The following SDK1 variants were observed in gnomAD, a reference collection of about 807,000 sequenced individuals.
SDK1 encodes the protein sidekick cell adhesion molecule 1, also known as protein sidekick-1.
SDK1 carries 157 observed loss-of-function variants against 245.5 expected under a neutral mutation model. That is an observed-to-expected ratio of 0.64 (90% CI 0.56 to 0.73). The LOEUF (loss-of-function observed/expected upper bound fraction) is 0.73, where lower values mean the gene tolerates loss of function less well. Among genes scored for constraint, SDK1 ranks in the 30% least tolerant of loss-of-function variants. SDK1 has a pLI of 0.00. For synonymous variants in SDK1, 1,647 were observed against 1,278.5 expected (o/e 1.29, Z -6.15); for missense variants, 3,583 against 3,002.3 (o/e 1.19, Z -4.52).
intron 5 of SDK1, among the ~76,000 whole-genome samples, chr7:3,894,899 G>T (rs921269301): frequency 6.6e-6 from 1 of 151,790 alleles, no homozygotes; most frequent in East Asian, 1.9e-4. Flanking sequence ...CACCATGTCG[G>T]CCAACTCCTG....
chr7:3,454,388 T>TTGTGTGTGTG (rs60437983), intron 1 of SDK1, among the ~76,000 whole-genome samples: 5,346 of 141,706 alleles, frequency 0.038, 116 homozygotes, highest in Middle Eastern at 0.069. Context: ...TCCCCAAGAT[T>TTGTGTGTGTG]TGTGTGTGTG....
At chr7:3,581,461 TAGTC>T (rs758393685) in intron 1 of SDK1, among the ~76,000 whole-genome samples, 4 of 152,290 alleles carry the variant, frequency 2.6e-5, no homozygotes, top group South Asian at 2.1e-4. Flanking sequence ...CATCTCACAT[TAGTC>T]AGAATGGTTA....
chr7:3,770,624 T>A (rs962625520), intron 4 of SDK1, among the ~76,000 whole-genome samples: 25 of 152,234 alleles, frequency 1.6e-4, no homozygotes, highest in African/African-American at 6.0e-4. Flanking sequence ...GTGGAGAGAT[T>A]CCCCCTTGCT....
intron 22 of SDK1, among the ~76,000 whole-genome samples, chr7:4,110,348 C>G (rs554851965): frequency 1.3e-5 from 2 of 152,294 alleles, no homozygotes; most frequent in Admixed American, 1.3e-4. Context: ...TGGAAGGTCC[C>G]CTCCATCACT....
chr7:4,004,570 G>T (rs1302963187), intron 14 of SDK1, among the ~76,000 whole-genome samples: 1 of 152,070 alleles, frequency 6.6e-6, no homozygotes, highest in Non-Finnish European at 1.5e-5. Flanking sequence ...CACTTTCTAA[G>T]AACTTTTTAT....
intron 5 of SDK1, among the ~76,000 whole-genome samples, chr7:3,903,147 TTG>T (rs1221958440): frequency 2.1e-4 from 27 of 128,464 alleles, no homozygotes; most frequent in African/African-American, 8.5e-4. Flanking sequence ...GTTTTTTGTT[TTG>T]TTTTTTTTTT....
intron 1 of SDK1, chr7:3,475,943 A>G (rs1562509350): frequency 6.6e-6 from 1 of 152,628 alleles, no homozygotes; most frequent in Admixed American, 6.5e-5. Flanking sequence ...TTCTGTTAGC[A>G]TTTAGTAGCT....
intron 1 of SDK1, among the ~76,000 whole-genome samples, chr7:3,472,836 C>G (rs1487788782): frequency 6.6e-6 from 1 of 152,168 alleles, no homozygotes; most frequent in Admixed American, 6.5e-5. Flanking sequence ...AGTTTTAGGT[C>G]TGGCTTACAG....
At chr7:3,723,318 C>A (rs995385496) in intron 4 of SDK1, among the ~76,000 whole-genome samples, 1 of 152,128 alleles carries the variant, frequency 6.6e-6, no homozygotes, top group African/African-American at 2.4e-5. Context: ...GCAGCACTTT[C>A]CTGAAAGAAG....
chr7:3,672,796 A>ATATATATATACAT (rs1554307151), intron 4 of SDK1, among the ~76,000 whole-genome samples: 26 of 53,414 alleles, frequency 4.9e-4, no homozygotes, highest in Non-Finnish European at 7.2e-4. Flanking sequence ...TATATATATA[A>ATATATATATACAT]AAAATACAGA....
At chr7:4,217,823 A>G (rs2128230756) in intron 38 of SDK1, among the ~76,000 whole-genome samples, 1 of 152,306 alleles carries the variant, frequency 6.6e-6, no homozygotes, top group East Asian at 1.9e-4. Flanking sequence ...CACACCTGAA[A>G]TGGGGAGAAG....
intron 44 of SDK1, among the ~76,000 whole-genome samples, chr7:4,250,420 T>C (rs1021809547): frequency 6.6e-6 from 1 of 152,144 alleles, no homozygotes; most frequent in African/African-American, 2.4e-5. Context: ...CTCAGCTCCC[T>C]CTAACCTCCG....
At chr7:4,048,523 G>T (rs376842815) in intron 17 of SDK1, among the ~76,000 whole-genome samples, 1 of 141,736 alleles carries the variant, frequency 7.1e-6, no homozygotes, top group Admixed American at 7.4e-5. Flanking sequence ...ACCCATCCTC[G>T]CCAGGCTCCT....
At chr7:3,494,535 ATGT>A (rs1194587756) in intron 1 of SDK1, among the ~76,000 whole-genome samples, 7 of 152,188 alleles carry the variant, frequency 4.6e-5, no homozygotes, top group South Asian at 2.1e-4. Context: ...GTGCACAGTG[ATGT>A]TATGTATGAA....
At chr7:4,225,297 C>T (rs1678362200) in intron 40 of SDK1, among the ~76,000 whole-genome samples, 1 of 152,178 alleles carries the variant, frequency 6.6e-6, no homozygotes. Flanking sequence ...CTTCAACTAC[C>T]TCAAAATGAT....
intron 22 of SDK1, among the ~76,000 whole-genome samples, chr7:4,088,031 G>T (rs1294298863): frequency 1.3e-5 from 2 of 152,154 alleles, no homozygotes; most frequent in East Asian, 3.8e-4. Context: ...TTCTCATAAT[G>T]GCTCTCTGGT....
chr7:3,591,260 T>C (rs1308819362), intron 1 of SDK1, among the ~76,000 whole-genome samples: 1 of 152,204 alleles, frequency 6.6e-6, no homozygotes, highest in Non-Finnish European at 1.5e-5. Context: ...TTTTGCAGTG[T>C]CATAATACTG....
intron 1 of SDK1, among the ~76,000 whole-genome samples, chr7:3,511,863 T>C (rs988143454): frequency 1.3e-5 from 2 of 149,386 alleles, no homozygotes; most frequent in Non-Finnish European, 3.0e-5. Flanking sequence ...GGTACACTGA[T>C]ATCTCGTATG....
chr7:4,120,629 T>G (rs1439883075), intron 25 of SDK1, among the ~76,000 whole-genome samples: 1 of 135,516 alleles, frequency 7.4e-6, no homozygotes, highest in Non-Finnish European at 1.7e-5. Context: ...TAATACTCTT[T>G]TTTTTGAGGT....
Sources: gnomAD v4.1 joint callset for allele counts (sites outside exome capture counted in the v4.1 genomes callset) on GRCh38, gnomAD v4.1.1 for gene constraint, MANE v1.5 for transcripts, NCBI Gene and HGNC (gene_info 2026-07-23, HGNC 2026-07-21) for gene names.